The following SLC47A2 variants were observed in gnomAD, a reference collection of about 807,000 sequenced individuals.
SLC47A2 encodes the protein solute carrier family 47 member 2.
In SLC47A2, 52 loss-of-function variants were observed where a neutral mutation model predicts 67.7. That is an observed-to-expected ratio of 0.77 (90% CI 0.61 to 0.97). The LOEUF (loss-of-function observed/expected upper bound fraction) is 0.97, where lower values mean the gene tolerates loss of function less well. Ranked by LOEUF, SLC47A2 falls within the 50% of genes least tolerant of loss-of-function variation. The pLI is 0.00. For missense variants in SLC47A2, 676 were observed against 712.3 expected (o/e 0.95, Z 0.58); for synonymous variants, 278 against 292.9 (o/e 0.95, Z 0.52).
chr17:19,705,078 T>G (rs2085894411), intron 10 of SLC47A2: 1 of 345,608 alleles, frequency 2.9e-6, no homozygotes, highest in African/African-American at 2.1e-5. Context: ...GCCCTCAGCC[T>G]CCCAAAGTAC....
chr17:19,702,108 CAA>C (rs758350914), intron 13 of SLC47A2: 396 of 825,618 alleles, frequency 4.8e-4, no homozygotes, highest in Middle Eastern at 6.3e-4. Context: ...GACCCTGTCT[CAA>C]AAAAAAAAAA....
At chr17:19,688,568 C>T (rs1289319958) in intron 13 of SLC47A2, among the ~76,000 whole-genome samples, 2 of 152,102 alleles carry the variant, frequency 1.3e-5, no homozygotes, top group Admixed American at 6.6e-5. Flanking sequence ...TATCCTTGTT[C>T]GCAGGTGATA....
At chr17:19,694,405 A>G (rs2085611811) in intron 13 of SLC47A2, among the ~76,000 whole-genome samples, 1 of 152,220 alleles carries the variant, frequency 6.6e-6, no homozygotes, top group Non-Finnish European at 1.5e-5. Flanking sequence ...GACTGTCACA[A>G]TGGCATAGCA....
Position 19,707,739 on chromosome 17 carries a change from C to T in SLC47A2, c.727+7G>A, listed in dbSNP as rs1391406393. On this transcript the variant is annotated splice_region_variant and intron_variant, in intron 8 of 16. Coordinates refer to ENST00000433844, the MANE Select transcript of SLC47A2 (RefSeq NM_001099646.3). Reference sequence around the variant, plus strand: ...CTCAGCCTCCCAGAGCAGGCCAGGCCTCCCACCTGCCCACGTCTCCAGGTG... The same window carrying T: ...CTCAGCCTCCCAGAGCAGGCCAGGCTTCCCACCTGCCCACGTCTCCAGGTG... The T allele has an allele frequency of 1.3e-6, 2 of 1,579,220 alleles. No individual in the cohort carries two copies. Among genetic ancestry groups the T allele is most frequent in the African/African-American group, 1.4e-5 (1 of 73,824 alleles).
At position 19,706,664 on chromosome 17, in the gene SLC47A2, G is replaced by A. The variant is rs769978997; in HGVS notation, c.825C>T (p.Ile275=). 78 of 1,602,308 alleles carry A rather than the reference G, an allele frequency of 4.9e-5. No individual in the cohort carries two copies. Among genetic ancestry groups the A allele is most frequent in the Non-Finnish European group, 6.0e-5 (70 of 1,176,360 alleles). ...MICVEWWAYE[I]GSFLMGLLSV... ...TCCACGTACCCATGAGGAAGCTCCC[G>A]ATCTCATAGGCCCACCACTCAACAC... The change falls in exon 9 of 17, where the codon ATC becomes ATT. Residue 275 remains isoleucine, a synonymous_variant. Coordinates refer to ENST00000433844, the MANE Select transcript of SLC47A2 (RefSeq NM_001099646.3).
At chr17:19,702,471 G>C in intron 13 of SLC47A2, 134 bp downstream of exon 13, 1 of 1,471,450 alleles carries the variant, frequency 6.8e-7, no homozygotes, top group Middle Eastern at 2.1e-4. Context: ...CAAATACTTT[G>C]GGCACTTACT....
Position 19,708,233 on chromosome 17 carries a change from T to A in SLC47A2, c.629+69A>T, listed in dbSNP as rs2085997774. ...CAGGGCCAGGATGGTGACTGATCTG[T>A]CTCCACCAGGGGTGGAGAGCTCAGT... is the stretch of plus-strand genomic sequence containing the variant. On this transcript the variant is annotated intron_variant, in intron 7 of 16. Transcript: ENST00000433844. The A allele has an allele frequency of 1.9e-6, 3 of 1,563,364 alleles. No homozygotes were observed. In the South Asian group the frequency reaches 3.4e-5, roughly 18 times the overall value.
At chr17:19,716,310 A>T in intron 1 of SLC47A2, 123 bp downstream of exon 1, 1 of 1,406,944 alleles carries the variant, frequency 7.1e-7, no homozygotes, top group East Asian at 2.5e-5. Flanking sequence ...TGGACCTGGC[A>T]GTCAACATGG....
intron 5 of SLC47A2, 56 bp from the exon 6 acceptor site, chr17:19,708,816 G>GAGCATTAA: frequency 6.3e-7 from 1 of 1,589,598 alleles, no homozygotes; most frequent in Non-Finnish European, 8.6e-7. Flanking sequence ...CTCACCAAAT[G>GAGCATTAA]AGCATTAACA....
At position 19,703,119 on chromosome 17, in the gene SLC47A2, T is replaced by G. The variant is rs760273171; in HGVS notation, c.1067A>C (p.Gln356Pro). 1.2e-6 allele frequency: 2 copies of G among 1,614,054 alleles called. No homozygotes were observed. The highest frequency in any genetic ancestry group is 1.7e-6 in the Non-Finnish European group (2 of 1,180,038). The change falls in exon 12 of 17, where the codon CAG becomes CCG. Residue 356 changes from glutamine to proline, a missense_variant. Transcript: ENST00000433844. ...ATCATTGGTAAAAATATGCCCCAGCTGATTTTTCAGGATGCTTATCAGGGT... is the reference window on the plus strand; with the variant it reads ...ATCATTGGTAAAAATATGCCCCAGCGGATTTTTCAGGATGCTTATCAGGGT... Reference protein sequence around the residue: ...LGTLISILKNQLGHIFTNDED... With the variant: ...LGTLISILKNPLGHIFTNDED...
chr17:19,679,993 G>GTGCTCTC lies in SLC47A2; in HGVS notation c.1432_1438dup (p.Thr480ArgfsTer10), dbSNP rs751379530. The GTGCTCTC allele has an allele frequency of 1.4e-5, 23 of 1,613,966 alleles. No homozygotes were observed. The highest frequency in any genetic ancestry group is 5.0e-5 in the Admixed American group (3 of 59,994). ...TTTCTCAGGCCCAGGTCTGGTTGCA[G>GTGCTCTC]TGCTCTCTGCTCTCTGCTGCTGCTG... On this transcript the variant is annotated frameshift_variant, in exon 16 of 17. Transcript: ENST00000433844. LOFTEE classifies it low-confidence loss of function (END_TRUNC).
At position 19,709,346 on chromosome 17, in the gene SLC47A2, T is replaced by C. The variant is rs567913583; in HGVS notation, c.487-586A>G. 5.9e-5 allele frequency among the ~76,000 whole-genome samples: 9 copies of C among 152,284 alleles called. No individual in the cohort carries two copies. In the East Asian group the frequency reaches 1.7e-3, roughly 29 times the overall value. ...GTTGGGGGGCACTGTACCTACCCTT[T>C]CTCTCCTCTCTTAAGGGGAATAGAA... On this transcript the variant is annotated intron_variant, in intron 5 of 16. Coordinates refer to ENST00000433844, the MANE Select transcript of SLC47A2 (RefSeq NM_001099646.3).
At position 19,715,264 on chromosome 17, in the gene SLC47A2, C is replaced by A. The variant is rs748310823; in HGVS notation, c.124-47G>T. On this transcript the variant is annotated intron_variant, in intron 1 of 16. Transcript: ENST00000433844. ...AGACTCGGGGCCACAGGTGCCCACA[C>A]AGCCGAGCCCTGCAAGACAGGCCTC... is the stretch of plus-strand genomic sequence containing the variant. 3 of 1,549,882 alleles carry A rather than the reference C, an allele frequency of 1.9e-6. No individual in the cohort carries two copies. In the African/African-American group the frequency reaches 4.1e-5, roughly 21 times the overall value.
chr17:19,687,934 C>T (rs1000568160), intron 13 of SLC47A2, among the ~76,000 whole-genome samples: 3 of 152,178 alleles, frequency 2.0e-5, no homozygotes, highest in Non-Finnish European at 2.9e-5. Flanking sequence ...GACCCAATGA[C>T]TTCACTGCTT....
At chr17:19,680,508 C>T (rs746351570) in intron 15 of SLC47A2, among the ~76,000 whole-genome samples, 1 of 152,158 alleles carries the variant, frequency 6.6e-6, no homozygotes, top group African/African-American at 2.4e-5. Flanking sequence ...TTTTAAATAT[C>T]TGTTTATCCA....
intron 9 of SLC47A2, among the ~76,000 whole-genome samples, chr17:19,706,225 C>T (rs1021940199): frequency 1.3e-5 from 2 of 152,314 alleles, no homozygotes; most frequent in Middle Eastern, 3.4e-3. Context: ...CTCACTTCAC[C>T]GAGTGCTCTA....
In SLC47A2 at chr17:19,678,389, T is replaced by G; in HGVS notation, c.*297A>C. ...ATCTGCAGTGTCCCATTTGAAGCCA[T>G]TTACATTATTAATAATAGTGACAAT... On this transcript the variant is annotated 3_prime_UTR_variant, in exon 17 of 17. Transcript: ENST00000433844. 2.6e-6 allele frequency: 1 copy of G among 382,152 alleles called. No individual in the cohort carries two copies. 23.7% of individuals were successfully genotyped at this position (382,152 alleles called of 1,614,324 possible). A position where few individuals can be genotyped will look rare whatever the true frequency, so the allele number is the denominator to read the frequency against.
Position 19,704,105 on chromosome 17 carries a change from G to T in SLC47A2, c.983C>A (p.Ala328Asp). Residue 328 changes from alanine to aspartate, a missense_variant, in exon 11 of 17, where the codon GCC (alanine) becomes GAC (aspartate). Ala to Asp is a moderately radical substitution (Grantham distance 126). Transcript: ENST00000433844. ...CACGCCCGAGACGGCCGAGCGCTTG[G>T]CCTGCACAGTATCCGCAGCCCCCAG... ...MALGAADTVQ[A>D]KRSAVSGVLS... 1 of 1,611,790 alleles carries T rather than the reference G, an allele frequency of 6.2e-7. No homozygotes were observed. Among genetic ancestry groups the T allele is most frequent in the Non-Finnish European group, 8.5e-7 (1 of 1,179,804 alleles).
At position 19,712,734 on chromosome 17, in the gene SLC47A2, T is replaced by C; in HGVS notation, c.455A>G (p.Asp152Gly). Residue 152 changes from aspartate to glycine, a missense_variant, in exon 5 of 17, where the codon GAC becomes GGC. By Grantham distance (94) the Asp-to-Gly change is moderately conservative. Transcript: ENST00000433844. ...TCCTGGAATGAAAATCATTACATAG[T>C]CCTGGGTCAACCTGCAAGAGAGGGA... is the stretch of plus-strand genomic sequence containing the variant. The part of the protein sequence containing the change: ...QDPDVSRLTQ[D>G]YVMIFIPGLP... 1 of 1,613,192 alleles carries C rather than the reference T, an allele frequency of 6.2e-7. No individual in the cohort carries two copies. Among genetic ancestry groups the C allele is most frequent in the Non-Finnish European group, 8.5e-7 (1 of 1,179,756 alleles).
Sources: allele counts gnomAD v4.1 joint callset (sites outside exome capture counted in the v4.1 genomes callset), GRCh38; gene constraint gnomAD v4.1.1; transcripts MANE v1.5; gene names NCBI Gene and HGNC (gene_info 2026-07-23, HGNC 2026-07-21).